CALN1: variants seen among roughly 807,000 people sequenced by gnomAD.
The protein encoded by CALN1 is calcium-binding protein 8.
Under a neutral mutation model 30.6 loss-of-function variants are expected in CALN1, and 17 were observed. That is an observed-to-expected ratio of 0.56 (90% CI 0.38 to 0.83). The LOEUF (loss-of-function observed/expected upper bound fraction) is 0.83. Ranked by LOEUF, CALN1 falls within the 40% of genes least tolerant of loss-of-function variation. CALN1 has a pLI of 0.00. For missense variants in CALN1, 291 were observed against 354.9 expected (o/e 0.82, Z 1.45); for synonymous variants, 156 against 131.4 (o/e 1.19, Z -1.28).
chr7:71,799,030 T>C lies in CALN1; in HGVS notation c.659-11128A>G, dbSNP rs115769426. Among the ~76,000 whole-genome samples the C allele has an allele frequency of 1.5e-3, 226 of 152,214 alleles. 1 individual carries two copies. Among genetic ancestry groups the C allele is most frequent in the African/African-American group, 5.2e-3 (214 of 41,518 alleles). On this transcript the variant is annotated intron_variant, in intron 6 of 6. Coordinates refer to ENST00000395275, the MANE Select transcript of CALN1 (RefSeq NM_031468.4). Reference sequence around the variant, plus strand: ...CCCACCCCCTGCATTTGGTTCCTGCTCCATGAAGACATGGAGCTCCAGCAG... The same window carrying C: ...CCCACCCCCTGCATTTGGTTCCTGCCCCATGAAGACATGGAGCTCCAGCAG...
chr7:72,163,243 C>T (rs1788248082), intron 3 of CALN1, among the ~76,000 whole-genome samples: 1 of 151,914 alleles, frequency 6.6e-6, no homozygotes, highest in African/African-American at 2.4e-5. Context: ...CGTAAAAGAG[C>T]ATAAGAACAA....
At chr7:72,245,618 CTAAATAAATAAA>C (rs36174609) in intron 3 of CALN1, among the ~76,000 whole-genome samples, 1,491 of 143,426 alleles carry the variant, frequency 0.01, 22 homozygotes, top group African/African-American at 0.032. Flanking sequence ...AACTCCATCT[CTAAATAAATAAA>C]TAAATAAATA....
chr7:71,917,570 T>C (rs765667992), intron 5 of CALN1, among the ~76,000 whole-genome samples: 2 of 152,150 alleles, frequency 1.3e-5, no homozygotes, highest in African/African-American at 2.4e-5. Flanking sequence ...TGACTCACAG[T>C]TCTGCATGGC....
chr7:72,497,668 A>C, the CALN1 span, among the ~76,000 whole-genome samples: 3 of 152,228 alleles, frequency 2.0e-5, no homozygotes. Context: ...CAGTGGGTCT[A>C]CTAGATCTGC....
intron 2 of CALN1, among the ~76,000 whole-genome samples, chr7:72,317,098 G>A (rs1422560465): frequency 2.6e-5 from 1 of 38,268 alleles, no homozygotes; most frequent in Non-Finnish European, 4.6e-5. Flanking sequence ...GAGAGAGGGA[G>A]GGAGGAAGGG....
chr7:72,069,021 G>T (rs1189814911), intron 4 of CALN1, among the ~76,000 whole-genome samples: 1 of 152,210 alleles, frequency 6.6e-6, no homozygotes, highest in Non-Finnish European at 1.5e-5. Flanking sequence ...AGTTGCAGGA[G>T]AGTTCAGAAC....
At chr7:72,459,732 A>G in the CALN1 span, among the ~76,000 whole-genome samples, 8 of 152,204 alleles carry the variant, frequency 5.3e-5, no homozygotes, top group African/African-American at 1.9e-4. Context: ...ATCAAAGGAA[A>G]TGTATATTTT....
rs181559018 is a variant in CALN1 at position 72,254,132 on chromosome 7, A to G, written c.244+24554T>C. Among the ~76,000 whole-genome samples, 26 of 151,816 alleles carry G rather than the reference A, an allele frequency of 1.7e-4. No homozygotes were observed. The East Asian group carries it at 5.1e-3, about 30-fold the overall frequency. ...ATTGGGTAGCACTGCCTGTCAGCAAACTAGACCAACTACTGCACAGAATAC... is the reference window on the plus strand; with the variant it reads ...ATTGGGTAGCACTGCCTGTCAGCAAGCTAGACCAACTACTGCACAGAATAC... On this transcript the variant is annotated intron_variant, in intron 3 of 6. Coordinates refer to ENST00000395275, the MANE Select transcript of CALN1 (RefSeq NM_031468.4).
chr7:72,154,326 C>T lies in CALN1; in HGVS notation c.245-48032G>A, dbSNP rs556842279. On this transcript the variant is annotated intron_variant, in intron 3 of 6. Coordinates refer to ENST00000395275, the MANE Select transcript of CALN1 (RefSeq NM_031468.4). ...AAGCCAAACTTGAACTTGAACTTAA[C>T]TCTCAAAGCTCGCCATCTACATGTC... 3.3e-5 allele frequency among the ~76,000 whole-genome samples: 5 copies of T among 152,196 alleles called. No individual in the cohort carries two copies. In the South Asian group the frequency reaches 6.2e-4, roughly 19 times the overall value.
At chr7:72,160,107 A>T (rs776213198) in intron 3 of CALN1, among the ~76,000 whole-genome samples, 1 of 152,150 alleles carries the variant, frequency 6.6e-6, no homozygotes, top group African/African-American at 2.4e-5. Flanking sequence ...GTGGGTCTGC[A>T]CACTAAGTTA....
chr7:72,352,846 T>C (rs1803006827), intron 2 of CALN1, among the ~76,000 whole-genome samples: 2 of 152,030 alleles, frequency 1.3e-5, no homozygotes, highest in African/African-American at 4.8e-5. Flanking sequence ...ATAAAATTAA[T>C]AAACCTGTAG....
chr7:72,490,710 T>C, the CALN1 span, among the ~76,000 whole-genome samples: 214 of 152,242 alleles, frequency 1.4e-3, no homozygotes, highest in African/African-American at 5.0e-3. Flanking sequence ...CTTTGCACTT[T>C]CTCTCCTGTC....
rs554311277 is a variant in CALN1, at chr7:72,374,142, T to C, written c.119+29109A>G. 2.6e-5 allele frequency among the ~76,000 whole-genome samples: 4 copies of C among 152,224 alleles called. No homozygotes were observed. In the East Asian group the frequency reaches 7.7e-4, roughly 29 times the overall value. On this transcript the variant is annotated intron_variant, in intron 2 of 6. Transcript: ENST00000395275. ...CGAGGTTTTTCAGACAGAAGGTGAATGATACAGAAAGGAAACCTGAAACCT... is the reference window on the plus strand; with the variant it reads ...CGAGGTTTTTCAGACAGAAGGTGAACGATACAGAAAGGAAACCTGAAACCT...
intron 5 of CALN1, among the ~76,000 whole-genome samples, chr7:72,002,306 A>G (rs918450331): frequency 6.6e-6 from 1 of 152,220 alleles, no homozygotes; most frequent in Non-Finnish European, 1.5e-5. Context: ...ACATGCTCAG[A>G]ACATTTATGT....
At chr7:72,097,928 G>A (rs1244624824) in intron 4 of CALN1, among the ~76,000 whole-genome samples, 2 of 152,062 alleles carry the variant, frequency 1.3e-5, no homozygotes, top group African/African-American at 4.8e-5. Context: ...TGGCCAGGCC[G>A]GTCTCAAACT....
intron 5 of CALN1, among the ~76,000 whole-genome samples, chr7:71,833,235 G>A (rs147025414): frequency 1.3e-5 from 2 of 152,212 alleles, no homozygotes; most frequent in Non-Finnish European, 1.5e-5. Context: ...TGTGAGAATC[G>A]CCTGCTGACA....
Position 71,864,566 on chromosome 7 carries a change from C to G in CALN1, c.502-54074G>C, listed in dbSNP as rs183592062. Among the ~76,000 whole-genome samples, 22 of 152,326 alleles carry G rather than the reference C, an allele frequency of 1.4e-4. No homozygotes were observed. In the East Asian group the frequency reaches 3.7e-3, roughly 25 times the overall value. The stretch of plus-strand genomic sequence containing the variant: ...GCTCCAAATAGGCATCCCAATGTAG[C>G]TAACACCTTGACTGCAGCCTTCAAA... On this transcript the variant is annotated intron_variant, in intron 5 of 6. Transcript: ENST00000395275.
chr7:72,002,871 T>C (rs950008357), intron 5 of CALN1, among the ~76,000 whole-genome samples: 1 of 152,050 alleles, frequency 6.6e-6, no homozygotes, highest in East Asian at 1.9e-4. Flanking sequence ...AAACAGAGAA[T>C]AAAATTACAG....
intron 5 of CALN1, among the ~76,000 whole-genome samples, chr7:71,858,116 G>A (rs1791059392): frequency 6.6e-6 from 1 of 152,146 alleles, no homozygotes; most frequent in Non-Finnish European, 1.5e-5. Context: ...GACCCTGTGG[G>A]AAGTAATTAA....
Sources: gnomAD v4.1 joint callset for allele counts (sites outside exome capture counted in the v4.1 genomes callset) on GRCh38, gnomAD v4.1.1 for gene constraint, MANE v1.5 for transcripts, NCBI Gene and HGNC (gene_info 2026-07-23, HGNC 2026-07-21) for gene names.